SERPINE2: variants seen among roughly 807,000 people sequenced by gnomAD.
SERPINE2 encodes the protein serpin family E member 2.
Under a neutral mutation model 36.3 loss-of-function variants are expected in SERPINE2, and 14 were observed. That is an observed-to-expected ratio of 0.39 (90% CI 0.25 to 0.60). SERPINE2 has a LOEUF of 0.60. Ranked by LOEUF, SERPINE2 falls within the 20% of genes least tolerant of loss-of-function variation. The pLI, the probability that SERPINE2 is intolerant of heterozygous loss-of-function variation, is 0.57. For missense variants in SERPINE2, 418 were observed against 499.6 expected (o/e 0.84, Z 1.56); for synonymous variants, 192 against 191.8 (o/e 1.00, Z -0.01).
intron 1 of SERPINE2, among the ~76,000 whole-genome samples, chr2:224,024,492 C>T (rs1484995674): frequency 6.6e-6 from 1 of 152,130 alleles, no homozygotes; most frequent in Non-Finnish European, 1.5e-5. Flanking sequence ...GGCCAGGGGA[C>T]GTTTGCTATT....
At chr2:224,031,396 T>C (rs1373235617) in intron 1 of SERPINE2, 2 of 985,526 alleles carry the variant, frequency 2.0e-6, no homozygotes, top group Non-Finnish European at 2.4e-6. Flanking sequence ...GAGATTCCGT[T>C]GGGGGGAAAA....
chr2:224,022,871 C>T (rs1011141971), intron 1 of SERPINE2, among the ~76,000 whole-genome samples: 1 of 152,164 alleles, frequency 6.6e-6, no homozygotes, highest in African/African-American at 2.4e-5. Context: ...TTCCCCCATG[C>T]TATTCTCATG....
chr2:224,000,798 G>A (rs1007390054), intron 2 of SERPINE2, among the ~76,000 whole-genome samples: 1 of 151,982 alleles, frequency 6.6e-6, no homozygotes, highest in Non-Finnish European at 1.5e-5. Context: ...TTGGTTTTCT[G>A]TTCCTGCGTT....
At chr2:223,986,623 A>T (rs1690441619) in intron 4 of SERPINE2, among the ~76,000 whole-genome samples, 1 of 152,210 alleles carries the variant, frequency 6.6e-6, no homozygotes, top group Non-Finnish European at 1.5e-5. Flanking sequence ...CCAGGGCATG[A>T]AATAAGGACC....
At chr2:223,992,998 A>C (rs1390940640) in intron 3 of SERPINE2, among the ~76,000 whole-genome samples, 1 of 152,050 alleles carries the variant, frequency 6.6e-6, no homozygotes, top group Non-Finnish European at 1.5e-5. Context: ...GGTGGCATGC[A>C]CCTGTAATCC....
chr2:224,005,030 TAATA>T (rs1207511159), intron 1 of SERPINE2, among the ~76,000 whole-genome samples: 1 of 101,168 alleles, frequency 9.9e-6, no homozygotes, highest in African/African-American at 3.6e-5. Context: ...TTATATTATA[TAATA>T]TATAAATATA....
At chr2:224,027,768 A>T (rs1026014277) in intron 1 of SERPINE2, among the ~76,000 whole-genome samples, 1 of 152,160 alleles carries the variant, frequency 6.6e-6, no homozygotes, top group African/African-American at 2.4e-5. Context: ...CTACCTAAAT[A>T]AACCCCTCAA....
At chr2:223,979,373 A>G (rs1414584654) in intron 7 of SERPINE2, 1 of 152,168 alleles carries the variant, frequency 6.6e-6, no homozygotes, top group Non-Finnish European at 1.5e-5. Flanking sequence ...AAAATTTCCA[A>G]CCCTCTTATT....
chr2:223,975,824 A>G lies in SERPINE2; in HGVS notation c.*43T>C. On this transcript the variant is annotated 3_prime_UTR_variant, in exon 9 of 9. Transcript: ENST00000409304. ...ATGCAGGAAAGGAGTCTTTCTTCGT[A>G]GCAAAGTAGTCGTTGCTTTGCATGG... is the stretch of plus-strand genomic sequence containing the variant. 1 of 1,493,716 alleles carries G rather than the reference A, an allele frequency of 6.7e-7. No individual in the cohort carries two copies. The highest frequency in any genetic ancestry group is 9.1e-7 in the Non-Finnish European group (1 of 1,100,240). The allele number at this position is 1,493,716 out of a possible 1,614,324, so 92.5% of individuals were successfully genotyped here.
chr2:223,982,473 T>A lies in SERPINE2; in HGVS notation c.985+208A>T, dbSNP rs192498460. The A allele has an allele frequency of 6.3e-5, 28 of 443,374 alleles. No homozygotes were observed. In the East Asian group the frequency reaches 1.1e-3, roughly 17 times the overall value. 27.5% of individuals were successfully genotyped at this position (443,374 alleles called of 1,614,324 possible). On this transcript the variant is annotated intron_variant, in intron 6 of 8. Transcript: ENST00000409304. ...AAACCACTTGTATCCCAAAAACTAT[T>A]GAAATAAAAAGATAAAAGGAAAAAA...
At chr2:224,031,940 T>C (rs547156277) in intron 1 of SERPINE2, among the ~76,000 whole-genome samples, 1 of 152,264 alleles carries the variant, frequency 6.6e-6, no homozygotes, top group Admixed American at 6.5e-5. Context: ...GTCCTCAGTC[T>C]TTGGTTCCAG....
intron 1 of SERPINE2, among the ~76,000 whole-genome samples, chr2:224,004,748 C>A (rs1445814931): frequency 6.6e-6 from 1 of 151,836 alleles, no homozygotes; most frequent in Non-Finnish European, 1.5e-5. Context: ...TGTGTACAAT[C>A]TTTCTTACAA....
rs150459450 is a variant in SERPINE2 at position 224,006,324 on chromosome 2, T to C, written c.-22-4402A>G. On this transcript the variant is annotated intron_variant, in intron 1 of 8. Transcript: ENST00000409304. ...GGGGAGGGGTACTAGTCTCCAAAAA[T>C]CTACCAACTCTTCTCTTTTTCAAGA... Among the ~76,000 whole-genome samples, 264 of 152,304 alleles carry C rather than the reference T, an allele frequency of 1.7e-3. 1 individual carries two copies. The highest frequency in any genetic ancestry group is 0.017 in the Middle Eastern group (5 of 294).
At chr2:223,977,857 A>G (rs1690070663) in intron 7 of SERPINE2, 2 of 478,554 alleles carry the variant, frequency 4.2e-6, no homozygotes, top group Non-Finnish European at 7.6e-6. Context: ...CACAAGCACC[A>G]TCTCTGATAA....
chr2:224,009,377 T>C (rs1250966203), intron 1 of SERPINE2, among the ~76,000 whole-genome samples: 1 of 152,074 alleles, frequency 6.6e-6, no homozygotes, highest in African/African-American at 2.4e-5. Flanking sequence ...CTCAACAGCT[T>C]TTCCTGCCAG....
At chr2:223,989,286 G>T (rs947783858) in intron 4 of SERPINE2, among the ~76,000 whole-genome samples, 2 of 152,160 alleles carry the variant, frequency 1.3e-5, no homozygotes, top group Admixed American at 6.5e-5. Context: ...AGCTCTTAAT[G>T]ATATCTTGGG....
intron 1 of SERPINE2, among the ~76,000 whole-genome samples, chr2:224,025,947 T>C (rs1404828595): frequency 6.6e-6 from 1 of 152,258 alleles, no homozygotes; most frequent in African/African-American, 2.4e-5. Context: ...TTTCCTCTTC[T>C]TGCCAACCGC....
Position 224,001,675 on chromosome 2 carries a change from G to C in SERPINE2, c.226C>G (p.Gln76Glu). The change falls in exon 2 of 9, where the codon CAG (glutamine) becomes GAG (glutamate). Residue 76 changes from glutamine to glutamate, a missense_variant. Coordinates refer to ENST00000409304, the MANE Select transcript of SERPINE2 (RefSeq NM_001136528.2). Reference sequence around the variant, plus strand: ...CCGTATCTCATCACCATGGCGAGCTGCTTCTTGGTCCTGCCGTCCGCCCCC... The same window carrying C: ...CCGTATCTCATCACCATGGCGAGCTCCTTCTTGGTCCTGCCGTCCGCCCCC... ...QLGADGRTKK[Q>E]LAMVMRYGVN... is the part of the protein sequence containing the mutation. 1.2e-6 allele frequency: 2 copies of C among 1,614,090 alleles called. No homozygotes were observed. Among genetic ancestry groups the C allele is most frequent in the Non-Finnish European group, 1.7e-6 (2 of 1,180,042 alleles).
rs1297941106 is a variant in SERPINE2 at position 224,031,225 on chromosome 2, C to CACAGGGTGTGCCACTTTGGCAT, written c.-23+7852_-23+7873dup. 7.1e-6 allele frequency: 7 copies of CACAGGGTGTGCCACTTTGGCAT among 983,068 alleles called. No homozygotes were observed. In the African/African-American group the frequency reaches 1.2e-4, roughly 17 times the overall value. 60.9% of individuals were successfully genotyped at this position (983,068 alleles called of 1,614,324 possible). ...TAAAGGCTGTGCGACCCTACATATT[C>CACAGGGTGTGCCACTTTGGCAT]ACAGGGTGTGCCACTTTGGCATACA... On this transcript the variant is annotated intron_variant, in intron 1 of 8. Transcript: ENST00000409304.
Sources: gnomAD v4.1 joint callset for allele counts (sites outside exome capture counted in the v4.1 genomes callset) on GRCh38, gnomAD v4.1.1 for gene constraint, MANE v1.5 for transcripts, NCBI Gene and HGNC (gene_info 2026-07-23, HGNC 2026-07-21) for gene names.